NR1H3: variants seen among roughly 807,000 people sequenced by gnomAD.
NR1H3 encodes nuclear receptor subfamily 1 group H member 3.
Under a neutral mutation model 48.1 loss-of-function variants are expected in NR1H3, and 19 were observed. The observed-to-expected ratio is 0.40, with a 90% CI of 0.28 to 0.58. NR1H3 has a LOEUF of 0.58. NR1H3 is among the 20% of genes least tolerant of loss of function. The pLI, the probability that NR1H3 is intolerant of heterozygous loss-of-function variation, is 0.50. For missense variants in NR1H3, 486 were observed against 595.9 expected (o/e 0.82, Z 1.92); for synonymous variants, 232 against 227.3 (o/e 1.02, Z -0.19).
chr11:47,252,820 C>T (rs866624584), intron 1 of NR1H3, among the ~76,000 whole-genome samples: 11 of 149,662 alleles, frequency 7.3e-5, no homozygotes, highest in East Asian at 2.0e-4. Context: ...TCCACCCACT[C>T]GGCCTCCCAA....
intron 1 of NR1H3, among the ~76,000 whole-genome samples, chr11:47,250,887 T>C (rs923423664): frequency 1.3e-5 from 2 of 152,228 alleles, no homozygotes; most frequent in African/African-American, 2.4e-5. Context: ...TTTGGCCGGG[T>C]GCGTGCTCAC....
Position 47,259,799 on chromosome 11 carries a change from G to A in NR1H3, c.52G>A (p.Val18Met), listed in dbSNP as rs1284262884. The change falls in exon 3 of 10, where the codon GTG (valine) becomes ATG (methionine). Residue 18 changes from valine (V) to methionine (M), a missense_variant. By Grantham distance (21) the Val-to-Met change is conservative (BLOSUM62 1). Coordinates refer to ENST00000441012, the MANE Select transcript of NR1H3 (RefSeq NM_005693.4). ...PVPDIPPDSA[V>M]ELWKPGAQDA... Reference sequence around the variant, plus strand: ...TCTCTTTTGGAGCTCAGACTCTGCGGTGGAGCTGTGGAAGCCAGGCGCACA... The same window carrying A: ...TCTCTTTTGGAGCTCAGACTCTGCGATGGAGCTGTGGAAGCCAGGCGCACA... The A allele has an allele frequency of 1.9e-6, 3 of 1,612,120 alleles. No individual in the cohort carries two copies. The highest frequency in any genetic ancestry group is 1.7e-5 in the Admixed American group (1 of 60,016).
intron 9 of NR1H3, 50 bp from the exon 10 acceptor site, chr11:47,268,500 G>C: frequency 6.2e-7 from 1 of 1,611,600 alleles, no homozygotes; most frequent in Middle Eastern, 1.7e-4. Flanking sequence ...CTCTTGCCCC[G>C]CTTCCCTGGG....
At chr11:47,261,163 C>G in intron 4 of NR1H3, 78 bp from the exon 5 acceptor site, 1 of 831,710 alleles carries the variant, frequency 1.2e-6, no homozygotes, top group Non-Finnish European at 1.8e-6. Context: ...CCCCATCCTT[C>G]CCTCCTGTCT....
intron 7 of NR1H3, among the ~76,000 whole-genome samples, chr11:47,263,198 A>G (rs1313323065): frequency 1.3e-5 from 2 of 151,856 alleles, no homozygotes; most frequent in African/African-American, 4.8e-5. Flanking sequence ...TCAACTTTTT[A>G]GTAGTCAAAA....
intron 3 of NR1H3, among the ~76,000 whole-genome samples, 180 bp downstream of exon 3, chr11:47,260,159 A>C (rs1955674622): frequency 6.6e-6 from 1 of 152,186 alleles, no homozygotes; most frequent in Admixed American, 6.5e-5. Context: ...TCTGAGCCTC[A>C]CTTTCCTTGT....
chr11:47,259,364 G>C (rs758630484), intron 2 of NR1H3, 105 bp downstream of exon 2: 16 of 1,602,260 alleles, frequency 1.0e-5, no homozygotes, highest in African/African-American at 4.0e-5. Context: ...CCTCCAGAGA[G>C]CAGTCCAGAG....
rs1955725194 is a variant in NR1H3, at chr11:47,260,522, G to A, written c.346G>A (p.Glu116Lys). Residue 116 changes from glutamate (E) to lysine (K), a missense_variant, in exon 4 of 10, where the codon GAG (glutamate) becomes AAG (lysine). Coordinates refer to ENST00000441012, the MANE Select transcript of NR1H3 (RefSeq NM_005693.4). ...SGFHYNVLSC[E>K]GCKGFFRRSV... ...CTTCCACTACAATGTTCTGAGCTGC[G>A]AGGGCTGCAAGGGATTCTTCCGCCG... is the stretch of plus-strand genomic sequence containing the variant. 1 of 1,614,142 alleles carries A rather than the reference G, an allele frequency of 6.2e-7. No individual in the cohort carries two copies. Among genetic ancestry groups the A allele is most frequent in the African/African-American group, 1.3e-5 (1 of 74,946 alleles).
intron 7 of NR1H3, among the ~76,000 whole-genome samples, chr11:47,262,280 G>A (rs1180934603): frequency 6.6e-6 from 1 of 151,940 alleles, no homozygotes; most frequent in Non-Finnish European, 1.5e-5. Flanking sequence ...TTGGGAGATC[G>A]AGGCAGGAGA....
chr11:47,255,241 G>C (rs1221358781), upstream of NR1H3, among the ~76,000 whole-genome samples: 2 of 152,210 alleles, frequency 1.3e-5, no homozygotes, highest in African/African-American at 4.8e-5. Context: ...TCTGGGTTCT[G>C]ATCCCAGCCC....
At position 47,268,624 on chromosome 11, in the gene NR1H3, A is replaced by G. The variant is rs1441689946; in HGVS notation, c.1272A>G (p.Gln424=). 1.9e-6 allele frequency: 3 copies of G among 1,614,124 alleles called. No homozygotes were observed. Among genetic ancestry groups the G allele is most frequent in the Non-Finnish European group, 2.5e-6 (3 of 1,180,042 alleles). The part of the protein sequence containing the change: ...LRTLSSVHSE[Q]VFALRLQDKK... ...CCCTGAGCAGCGTCCACTCAGAGCA[A>G]GTGTTTGCACTGCGTCTGCAGGACA... The change falls in exon 10 of 10, where the codon CAA becomes CAG. Residue 424 remains glutamine, a synonymous_variant. Transcript: ENST00000441012.
At chr11:47,248,758 G>A (rs766522083), upstream of NR1H3, 5 of 1,603,416 alleles carry the variant, frequency 3.1e-6, no homozygotes, top group Non-Finnish European at 4.3e-6. Context: ...GAGGAGAGCC[G>A]CCCGGCTCCA....
chr11:47,248,797 G>GTAA (rs1339336342), upstream of NR1H3: 26 of 1,584,822 alleles, frequency 1.6e-5, no homozygotes, highest in Middle Eastern at 5.0e-4. Flanking sequence ...CATCACCGTT[G>GTAA]TAATCTATGC....
In NR1H3 at chr11:47,259,821, C is replaced by T; in HGVS notation, c.74C>T (p.Ala25Val). 1 of 1,612,260 alleles carries T rather than the reference C, an allele frequency of 6.2e-7. No homozygotes were observed. The highest frequency in any genetic ancestry group is 8.5e-7 in the Non-Finnish European group (1 of 1,179,928). Residue 25 changes from alanine to valine, a missense_variant, in exon 3 of 10, where the codon GCA becomes GTA. By Grantham distance (64) the Ala-to-Val change is moderately conservative. Coordinates refer to ENST00000441012, the MANE Select transcript of NR1H3 (RefSeq NM_005693.4). ...GCGGTGGAGCTGTGGAAGCCAGGCG[C>T]ACAGGATGCAAGCAGCCAGGCCCAG... ...DSAVELWKPG[A>V]QDASSQAQGG...
intron 8 of NR1H3, 114 bp downstream of exon 8, chr11:47,268,140 G>A (rs755188350): frequency 4.2e-6 from 5 of 1,200,548 alleles, no homozygotes; most frequent in Non-Finnish European, 6.1e-6. Flanking sequence ...GGAGGCATTT[G>A]CTGTGTTATT....
Position 47,261,947 on chromosome 11 carries a change from A to G in NR1H3, c.917A>G (p.Tyr306Cys). Reference protein sequence around the residue: ...EVMLLETSRRYNPGSESITFL... With the variant: ...EVMLLETSRRCNPGSESITFL... ...ATGCTTCTGGAGACATCTCGGAGGTACAACCCTGGGAGTGAGAGTATCACC... is the reference window on the plus strand; with the variant it reads ...ATGCTTCTGGAGACATCTCGGAGGTGCAACCCTGGGAGTGAGAGTATCACC... Residue 306 changes from tyrosine to cysteine, a missense_variant, in exon 7 of 10, where the codon TAC becomes TGC. By Grantham distance (194) the Tyr-to-Cys change is radical. Coordinates refer to ENST00000441012, the MANE Select transcript of NR1H3 (RefSeq NM_005693.4). The G allele has an allele frequency of 6.2e-7, 1 of 1,614,088 alleles. No homozygotes were observed. Among genetic ancestry groups the G allele is most frequent in the Non-Finnish European group, 8.5e-7 (1 of 1,179,966 alleles).
Position 47,259,535 on chromosome 11 carries a change from G to C in NR1H3, c.44-256G>C, listed in dbSNP as rs1955597839. ...GCTCTGGCTTTGAAGAGTTTTATCTGATCTCTGAAATGCATACACTCCAGC... is the reference window on the plus strand; with the variant it reads ...GCTCTGGCTTTGAAGAGTTTTATCTCATCTCTGAAATGCATACACTCCAGC... On this transcript the variant is annotated intron_variant, in intron 2 of 9. Coordinates refer to ENST00000441012, the MANE Select transcript of NR1H3 (RefSeq NM_005693.4). The C allele has an allele frequency of 3.3e-6, 5 of 1,498,328 alleles. No individual in the cohort carries two copies. The South Asian group carries it at 6.6e-5, about 20-fold the overall frequency. 92.8% of individuals were successfully genotyped at this position (1,498,328 alleles called of 1,614,324 possible).
At chr11:47,265,526 C>T (rs1956372471) in intron 7 of NR1H3, among the ~76,000 whole-genome samples, 2 of 152,164 alleles carry the variant, frequency 1.3e-5, no homozygotes, top group Non-Finnish European at 2.9e-5. Context: ...TACTTTAGCT[C>T]ATGTTTTGTT....
At chr11:47,262,310 C>T (rs1022316630) in intron 7 of NR1H3, among the ~76,000 whole-genome samples, 2 of 151,688 alleles carry the variant, frequency 1.3e-5, no homozygotes, top group African/African-American at 4.8e-5. Flanking sequence ...ATCTGGGAGG[C>T]AGAGGTTGTA....
Sources: gnomAD v4.1 joint callset for allele counts (sites outside exome capture counted in the v4.1 genomes callset) on GRCh38, gnomAD v4.1.1 for gene constraint, MANE v1.5 for transcripts, NCBI Gene and HGNC (gene_info 2026-07-23, HGNC 2026-07-21) for gene names.